Variants in DAGLA observed in about 807,000 individuals in gnomAD.
DAGLA encodes the protein diacylglycerol lipase-alpha.
A neutral mutation model predicts 102.6 loss-of-function variants in DAGLA; 22 were observed. The ratio of observed to expected loss-of-function variants is 0.21; its 90% CI spans 0.15 to 0.31. The LOEUF (loss-of-function observed/expected upper bound fraction) is 0.31. DAGLA is among the 10% of genes least tolerant of loss of function. The pLI, the probability that DAGLA is intolerant of heterozygous loss-of-function variation, is 1.00. For synonymous variants in DAGLA, 578 were observed against 628.9 expected (o/e 0.92, Z 1.21); for missense variants, 927 against 1,446.6 (o/e 0.64, Z 5.83).
chr11:61,685,960 G>A (rs1192879591), intron 1 of DAGLA, among the ~76,000 whole-genome samples: 1 of 152,184 alleles, frequency 6.6e-6, no homozygotes, highest in Non-Finnish European at 1.5e-5. Context: ...TGGCAGGGCT[G>A]AAGGTTTGGT....
At chr11:61,731,605 AGTT>A (rs1203960355) in intron 9 of DAGLA, among the ~76,000 whole-genome samples, 164 bp downstream of exon 9, 2 of 152,200 alleles carry the variant, frequency 1.3e-5, no homozygotes, top group Non-Finnish European at 1.5e-5. Flanking sequence ...TGAGCAGTGA[AGTT>A]GTAGGCTTCG....
At chr11:61,722,023 C>CCT (rs1163372630) in intron 3 of DAGLA, among the ~76,000 whole-genome samples, 1 of 152,268 alleles carries the variant, frequency 6.6e-6, no homozygotes, top group Non-Finnish European at 1.5e-5. Flanking sequence ...ATACCCCTCC[C>CCT]CTCCAGTCTC....
chr11:61,688,074 T>C (rs889196185), intron 1 of DAGLA, among the ~76,000 whole-genome samples: 1 of 152,106 alleles, frequency 6.6e-6, no homozygotes, highest in Non-Finnish European at 1.5e-5. Flanking sequence ...CCCAGCACTT[T>C]GGGAGACCGA....
chr11:61,741,025 G>A, intron 18 of DAGLA, 137 bp from the exon 19 acceptor site: 2 of 790,144 alleles, frequency 2.5e-6, no homozygotes, highest in Non-Finnish European at 4.0e-6. Flanking sequence ...GGTGACCTCA[G>A]GAGGAGGAGA....
intron 3 of DAGLA, among the ~76,000 whole-genome samples, chr11:61,721,765 A>G (rs1023987961): frequency 2.0e-5 from 3 of 152,234 alleles, no homozygotes; most frequent in African/African-American, 7.2e-5. Context: ...GCACTGGGCT[A>G]GGCCCTTTTT....
chr11:61,746,376 C>T lies in DAGLA; in HGVS notation c.*1887C>T, dbSNP rs951824681. ...CTCAGATGAAAGATCTGACAAGCACCGTGGCCAGTCACAGGGAGAGACTTG... is the reference window on the plus strand; with the variant it reads ...CTCAGATGAAAGATCTGACAAGCACTGTGGCCAGTCACAGGGAGAGACTTG... On this transcript the variant is annotated 3_prime_UTR_variant, in exon 20 of 20. Transcript: ENST00000257215. 2.0e-5 allele frequency: 3 copies of T among 152,584 alleles called. No homozygotes were observed. The highest frequency in any genetic ancestry group is 7.2e-5 in the African/African-American group (3 of 41,466). 9.5% of individuals were successfully genotyped at this position (152,584 alleles called of 1,614,324 possible).
Position 61,735,891 on chromosome 11 carries a change from G to C in DAGLA, c.1290+75G>C. 6 of 1,391,166 alleles carry C rather than the reference G, an allele frequency of 4.3e-6. No homozygotes were observed. The South Asian group carries it at 7.6e-5, about 18-fold the overall frequency. 86.2% of individuals were successfully genotyped at this position (1,391,166 alleles called of 1,614,324 possible). On this transcript the variant is annotated intron_variant, in intron 12 of 19. Coordinates refer to ENST00000257215, the MANE Select transcript of DAGLA (RefSeq NM_006133.3). The stretch of plus-strand genomic sequence containing the variant: ...CCAGTGTGCAGAGGCGTGTATGGTT[G>C]GGGGTTCCTCCCTGCTCGCTGGGCT...
At position 61,723,426 on chromosome 11, in the gene DAGLA, G is replaced by A; in HGVS notation, c.410-8G>A. ...CCCCTACCTAATGCCTCCCACTGCT[G>A]CCCGCAGGAATGGTTGTCTGCAACT... On this transcript the variant is annotated splice_region_variant and splice_polypyrimidine_tract_variant and intron_variant, in intron 4 of 19. Coordinates refer to ENST00000257215, the MANE Select transcript of DAGLA (RefSeq NM_006133.3). 2 of 1,609,738 alleles carry A rather than the reference G, an allele frequency of 1.2e-6. No individual in the cohort carries two copies. The highest frequency in any genetic ancestry group is 1.7e-6 in the Non-Finnish European group (2 of 1,176,294).
In DAGLA at chr11:61,720,269, G is replaced by A; in HGVS notation, c.95+19G>A. ...CCACCTGGTGAGTCCCCAGGCCCGG[G>A]GCCACAGGCCTGGGTTTGGAGAGAA... On this transcript the variant is annotated intron_variant, in intron 2 of 19. Transcript: ENST00000257215. 6.2e-7 allele frequency: 1 copy of A among 1,609,096 alleles called. No individual in the cohort carries two copies. The highest frequency in any genetic ancestry group is 8.5e-7 in the Non-Finnish European group (1 of 1,176,184).
At chr11:61,740,316 A>C (rs1194869679) in intron 17 of DAGLA, 147 bp from the exon 18 acceptor site, 1 of 1,060,006 alleles carries the variant, frequency 9.4e-7, no homozygotes, top group African/African-American at 1.6e-5. Flanking sequence ...CAGGCCAGGG[A>C]ACAGAGCCCT....
intron 1 of DAGLA, among the ~76,000 whole-genome samples, chr11:61,706,661 T>C (rs908383502): frequency 6.6e-6 from 1 of 152,202 alleles, no homozygotes; most frequent in Non-Finnish European, 1.5e-5. Flanking sequence ...CGGCGGCCAC[T>C]GAAGGTGGAG....
At chr11:61,740,268 G>A (rs915487336) in intron 17 of DAGLA, among the ~76,000 whole-genome samples, 195 bp from the exon 18 acceptor site, 2 of 152,196 alleles carry the variant, frequency 1.3e-5, no homozygotes, top group African/African-American at 2.4e-5. Context: ...GCTGAGGCTC[G>A]AGGTCAGCCT....
At chr11:61,724,433 A>C (rs2065307860) in intron 5 of DAGLA, among the ~76,000 whole-genome samples, 1 of 152,160 alleles carries the variant, frequency 6.6e-6, no homozygotes, top group Admixed American at 6.5e-5. Context: ...CAGATGAGGA[A>C]TCCAAGTCCC....
At chr11:61,698,534 G>A (rs142830964) in intron 1 of DAGLA, among the ~76,000 whole-genome samples, 1 of 152,316 alleles carries the variant, frequency 6.6e-6, no homozygotes, top group Non-Finnish European at 1.5e-5. Context: ...CTTGGTGCAC[G>A]TAGCACGGAC....
chr11:61,689,224 G>T (rs572293297), intron 1 of DAGLA, among the ~76,000 whole-genome samples: 1 of 152,354 alleles, frequency 6.6e-6, no homozygotes, highest in Non-Finnish European at 1.5e-5. Flanking sequence ...TCACTGCGCA[G>T]CCCTAGGCCC....
At position 61,736,258 on chromosome 11, in the gene DAGLA, C is replaced by T; in HGVS notation, c.1291-12C>T. On this transcript the variant is annotated splice_polypyrimidine_tract_variant and intron_variant, in intron 12 of 19. Coordinates refer to ENST00000257215, the MANE Select transcript of DAGLA (RefSeq NM_006133.3). ...CTCCCACCAACACCTGCTTCTGTTC[C>T]TGCCCACCCAGGGTATGGTCCTCTC... 1 of 1,613,510 alleles carries T rather than the reference C, an allele frequency of 6.2e-7. No individual in the cohort carries two copies. The highest frequency in any genetic ancestry group is 1.7e-5 in the Admixed American group (1 of 60,018).
intron 15 of DAGLA, 82 bp downstream of exon 15, chr11:61,737,837 A>G: frequency 9.6e-7 from 1 of 1,039,194 alleles, no homozygotes; most frequent in Non-Finnish European, 1.4e-6. Context: ...CAGCCCCCGC[A>G]TCTCTCTCAG....
In DAGLA at chr11:61,690,305, C is replaced by T. The variant is rs883723; in HGVS notation, c.-45+9801C>T. 1.3e-5 allele frequency among the ~76,000 whole-genome samples: 2 copies of T among 152,272 alleles called. 1 individual carries two copies. Among genetic ancestry groups the T allele is most frequent in the South Asian group, 4.1e-4 (2 of 4,820 alleles). Reference sequence around the variant, plus strand: ...AGTTTTGCCACGTGTAGTCTCCCATCTCCCCATTTATTCAAGGACATTTAT... The same window carrying T: ...AGTTTTGCCACGTGTAGTCTCCCATTTCCCCATTTATTCAAGGACATTTAT... On this transcript the variant is annotated intron_variant, in intron 1 of 19. Transcript: ENST00000257215.
At chr11:61,701,466 G>C (rs550112560) in intron 1 of DAGLA, among the ~76,000 whole-genome samples, 102 of 152,314 alleles carry the variant, frequency 6.7e-4, no homozygotes, top group African/African-American at 2.4e-3. Context: ...CTCTGGTCTC[G>C]TGGATTGTAC....
Sources: gnomAD v4.1 joint callset for allele counts (sites outside exome capture counted in the v4.1 genomes callset) on GRCh38, gnomAD v4.1.1 for gene constraint, MANE v1.5 for transcripts, NCBI Gene and HGNC (gene_info 2026-07-23, HGNC 2026-07-21) for gene names.